The following VAPB variants were observed in gnomAD, a reference collection of about 807,000 sequenced individuals.
The protein encoded by VAPB is VAMP associated protein B and C.
A neutral mutation model predicts 25.6 loss-of-function variants in VAPB; 7 were observed. That is an observed-to-expected ratio of 0.27 (90% CI 0.16 to 0.51). The LOEUF is 0.51. VAPB is among the 20% of genes least tolerant of loss of function. VAPB has a pLI of 0.97. For missense variants in VAPB, 266 were observed against 301.3 expected, an observed-to-expected ratio of 0.88 and a Z score of 0.87; for synonymous variants, 112 against 109.2, an observed-to-expected ratio of 1.03 and a Z score of -0.16.
chr20:58,405,742 CTTTTT>C, intron 1 of VAPB, among the ~76,000 whole-genome samples: 1 of 43,454 alleles, frequency 2.3e-5, no homozygotes, highest in Non-Finnish European at 3.8e-5. Context: ...GGCCAGGAGC[CTTTTT>C]TTTTTTTTTT....
At chr20:58,444,004 C>A in intron 5 of VAPB, 73 bp from the exon 6 acceptor site, 1 of 1,606,654 alleles carries the variant, frequency 6.2e-7, no homozygotes, top group South Asian at 1.1e-5. Flanking sequence ...ACAGCCCATC[C>A]CGTTAAGCTG....
At chr20:58,419,652 CTT>C (rs1392613056) in intron 2 of VAPB, among the ~76,000 whole-genome samples, 1 of 152,220 alleles carries the variant, frequency 6.6e-6, no homozygotes, top group Admixed American at 6.5e-5. Context: ...AGCCCATGCT[CTT>C]TGAACTGCAG....
At chr20:58,437,234 G>A (rs1441659492) in intron 3 of VAPB, among the ~76,000 whole-genome samples, 1 of 151,344 alleles carries the variant, frequency 6.6e-6, no homozygotes, top group Non-Finnish European at 1.5e-5. Flanking sequence ...TCGAAGTGCT[G>A]GGATTACAGG....
At chr20:58,438,036 C>T (rs1164047580) in intron 3 of VAPB, among the ~76,000 whole-genome samples, 1 of 152,124 alleles carries the variant, frequency 6.6e-6, no homozygotes, top group African/African-American at 2.4e-5. Context: ...GAGAAGTAAT[C>T]AGGAGCGTAT....
chr20:58,432,111 C>T (rs1178057813), intron 2 of VAPB, among the ~76,000 whole-genome samples: 1 of 152,110 alleles, frequency 6.6e-6, no homozygotes, highest in Admixed American at 6.5e-5. Context: ...CCAGGCAGAG[C>T]TCTGGACACA....
chr20:58,445,361 G>A lies in VAPB; in HGVS notation c.*1126G>A, dbSNP rs1304066459. 1 of 454,506 alleles carries A rather than the reference G, an allele frequency of 2.2e-6. No homozygotes were observed. Among genetic ancestry groups the A allele is most frequent in the Non-Finnish European group, 4.4e-6 (1 of 226,816 alleles). The allele number at this position is 454,506 out of a possible 1,614,324, so 28.2% of individuals were successfully genotyped here. A position where few individuals can be genotyped will look rare whatever the true frequency, so the allele number is the denominator to read the frequency against. ...CAGGACAAATGGATCGGGCTGCAGAGGGTTAGAAGCGAGGGCACCAGCAGT... is the reference window on the plus strand; with the variant it reads ...CAGGACAAATGGATCGGGCTGCAGAAGGTTAGAAGCGAGGGCACCAGCAGT... On this transcript the variant is annotated 3_prime_UTR_variant, in exon 6 of 6. Coordinates refer to ENST00000475243, the MANE Select transcript of VAPB (RefSeq NM_004738.5).
intron 2 of VAPB, among the ~76,000 whole-genome samples, chr20:58,424,891 T>C (rs1308052373): frequency 6.6e-6 from 1 of 152,248 alleles, no homozygotes; most frequent in East Asian, 1.9e-4. Context: ...TATAAATAAA[T>C]GCAATTCATT....
Position 58,441,032 on chromosome 20 carries a change from G to T in VAPB, c.522G>T (p.Lys174Asn). ...TTAAGAAGGTTATGGAAGAATGTAA[G>T]AGGCTGCAAGGTGAAGTTCAGAGGC... ...TEVKKVMEEC[K>N]RLQGEVQRLR... The change falls in exon 5 of 6, where the codon AAG (lysine) becomes AAT (asparagine). Residue 174 changes from lysine to asparagine, a missense_variant. Physicochemically the swap from Lys to Asn is moderately conservative, Grantham distance 94 (BLOSUM62 0). This residue lies in a region of VAPB where 136 missense variants were observed against 130.7 expected (regional missense o/e 1.04). Coordinates refer to ENST00000475243, the MANE Select transcript of VAPB (RefSeq NM_004738.5). 1 of 1,614,124 alleles carries T rather than the reference G, an allele frequency of 6.2e-7. No individual in the cohort carries two copies. Among genetic ancestry groups the T allele is most frequent in the South Asian group, 1.1e-5 (1 of 91,082 alleles).
chr20:58,418,388 GA>G, intron 2 of VAPB, 25 bp downstream of exon 2: 2 of 1,613,054 alleles, frequency 1.2e-6, no homozygotes, highest in South Asian at 2.2e-5. Flanking sequence ...TGGAGGCCTA[GA>G]GGGTGGGCTC....
At chr20:58,440,340 T>G (rs529108847) in intron 4 of VAPB, 2 of 154,998 alleles carry the variant, frequency 1.3e-5, no homozygotes, top group East Asian at 3.8e-4. Context: ...TCTCATCCCC[T>G]GTAAATCTCA....
intron 2 of VAPB, among the ~76,000 whole-genome samples, chr20:58,419,808 G>T (rs749843570): frequency 6.6e-6 from 1 of 152,046 alleles, no homozygotes; most frequent in Non-Finnish European, 1.5e-5. Context: ...CGATTTCCAT[G>T]CCTGTATCAA....
chr20:58,425,628 T>C (rs1424738051), intron 2 of VAPB, among the ~76,000 whole-genome samples: 2 of 152,122 alleles, frequency 1.3e-5, no homozygotes, highest in South Asian at 2.1e-4. Context: ...TGGTATGAAA[T>C]GGTGTTTCAG....
chr20:58,415,748 G>A (rs971748624), intron 1 of VAPB, among the ~76,000 whole-genome samples: 1 of 152,132 alleles, frequency 6.6e-6, no homozygotes, highest in Admixed American at 6.5e-5. Context: ...AATGGAAATG[G>A]CAGTTTTATG....
intron 2 of VAPB, among the ~76,000 whole-genome samples, chr20:58,418,750 T>C (rs1261414617): frequency 1.3e-5 from 2 of 152,202 alleles, no homozygotes; most frequent in Admixed American, 6.5e-5. Flanking sequence ...GGGAGAAAGC[T>C]AAATGGAGTT....
rs1239796351 is a variant in VAPB, at chr20:58,448,446, T to C, written c.*4211T>C. ...AGAACATTTCCAATACATTCGCTCA[T>C]TGAACTTAATCCTTGCAACTGTGAC... On this transcript the variant is annotated 3_prime_UTR_variant, in exon 6 of 6. Coordinates refer to ENST00000475243, the MANE Select transcript of VAPB (RefSeq NM_004738.5). The C allele has an allele frequency of 2.2e-6, 1 of 454,120 alleles. No individual in the cohort carries two copies. The highest frequency in any genetic ancestry group is 2.0e-5 in the African/African-American group (1 of 50,132). The allele number at this position is 454,120 out of a possible 1,614,324, so 28.1% of individuals were successfully genotyped here.
rs75779168 is a variant in VAPB at position 58,405,452 on chromosome 20, GTTTATT to G, written c.59-12737_59-12732del. Among the ~76,000 whole-genome samples the G allele has an allele frequency of 1.2e-4, 18 of 149,742 alleles. 1 individual carries two copies. The highest frequency in any genetic ancestry group is 1.1e-3 in the South Asian group (5 of 4,662). On this transcript the variant is annotated intron_variant, in intron 1 of 5. Transcript: ENST00000475243. ...AAGCCACAGAGGAATCTGAGCAGGA[GTTTATT>G]TTTATTTTTATTTTTATTTTTGGAG...
chr20:58,410,340 A>G (rs1221387215), intron 1 of VAPB, among the ~76,000 whole-genome samples: 3 of 152,172 alleles, frequency 2.0e-5, no homozygotes, highest in Non-Finnish European at 4.4e-5. Flanking sequence ...GAGTAGTTTC[A>G]GTTTTACTGT....
intron 1 of VAPB, among the ~76,000 whole-genome samples, chr20:58,414,354 G>A (rs1299786707): frequency 2.0e-5 from 3 of 150,528 alleles, no homozygotes; most frequent in Non-Finnish European, 3.0e-5. Flanking sequence ...CGGACGGGGC[G>A]GCCGCCGGGC....
intron 3 of VAPB, among the ~76,000 whole-genome samples, chr20:58,436,565 G>A (rs552984568): frequency 1.3e-4 from 20 of 152,052 alleles, no homozygotes; most frequent in African/African-American, 3.9e-4. Flanking sequence ...GGACTCAAGC[G>A]ATCTGCCCAC....
Sources: allele counts gnomAD v4.1 joint callset (sites outside exome capture counted in the v4.1 genomes callset), GRCh38; gene constraint gnomAD v4.1.1; regional missense constraint gnomAD v4.1.1; transcripts MANE v1.5; gene names NCBI Gene and HGNC (gene_info 2026-07-23, HGNC 2026-07-21).